Variants in ZNF541 observed in about 807,000 individuals in gnomAD.
The protein encoded by ZNF541 is zinc finger protein 541.
A neutral mutation model predicts 123.5 loss-of-function variants in ZNF541; 23 were observed. The ratio of observed to expected loss-of-function variants is 0.19; its 90% CI spans 0.13 to 0.26. The LOEUF is 0.26. Among genes scored for constraint, ZNF541 ranks in the 10% least tolerant of loss-of-function variants. The pLI, the probability that ZNF541 is intolerant of heterozygous loss-of-function variation, is 1.00. For missense variants in ZNF541, 1,612 were observed against 1,789.9 expected, an observed-to-expected ratio of 0.90 and a Z score of 1.79; for synonymous variants, 751 against 754.5, an observed-to-expected ratio of 1.00 and a Z score of 0.08.
At chr19:47,528,840 G>T in intron 14 of ZNF541, 110 bp downstream of exon 14, 1 of 761,816 alleles carries the variant, frequency 1.3e-6, no homozygotes. Flanking sequence ...TAAGAGTGCT[G>T]CCACAGGCAG....
intron 4 of ZNF541, among the ~76,000 whole-genome samples, chr19:47,548,452 AAAAAAAAAAG>A (rs1218920571): frequency 1.7e-3 from 243 of 139,614 alleles, no homozygotes; most frequent in African/African-American, 7.7e-3. Context: ...CAAAAAAAAA[AAAAAAAAAAG>A]AAAAAAAAAG....
chr19:47,554,384 T>A (rs530717185), intron 3 of ZNF541, among the ~76,000 whole-genome samples: 5 of 152,222 alleles, frequency 3.3e-5, no homozygotes, highest in Admixed American at 2.6e-4. Flanking sequence ...TGAGCCGAGA[T>A]TGTGCCACTG....
chr19:47,549,631 C>G, intron 3 of ZNF541, 146 bp from the exon 4 acceptor site: 2 of 1,323,992 alleles, frequency 1.5e-6, no homozygotes, highest in Non-Finnish European at 2.0e-6. Flanking sequence ...AAACAAGGTT[C>G]AGGAGCAGGT....
In ZNF541 at chr19:47,539,735, T is replaced by C. The variant is rs1969994112; in HGVS notation, c.2766A>G (p.Pro922=). 1.4e-6 allele frequency: 2 copies of C among 1,445,076 alleles called. No homozygotes were observed. The highest frequency in any genetic ancestry group is 3.0e-5 in the African/African-American group (2 of 66,384). 89.5% of individuals were successfully genotyped at this position (1,445,076 alleles called of 1,614,324 possible). Residue 922 remains proline (P), a synonymous_variant, in exon 8 of 17, where the codon CCA becomes CCG. Transcript: ENST00000391901. ...LVVPQSIPVV[P]VTRHIGSMAM... ...CCATGCTCCCTATGTGTCGGGTCAC[T>C]GGAACCACGGGGATCGATTGGGGGA...
At position 47,555,872 on chromosome 19, in the gene ZNF541, G is replaced by C; in HGVS notation, c.-16C>G. ...ACTGGTCCATGGCTCTCCACTGCCA[G>C]GTCTTGGCCAAAAGCTACTCTCCAG... On this transcript the variant is annotated 5_prime_UTR_variant, in exon 3 of 17. Transcript: ENST00000391901. 1 of 1,535,536 alleles carries C rather than the reference G, an allele frequency of 6.5e-7. No individual in the cohort carries two copies. Among genetic ancestry groups the C allele is most frequent in the Non-Finnish European group, 8.8e-7 (1 of 1,137,148 alleles).
At chr19:47,537,163 TATGTGATAGTTGC>T (rs1370163122) in intron 9 of ZNF541, among the ~76,000 whole-genome samples, 1 of 152,156 alleles carries the variant, frequency 6.6e-6, no homozygotes, top group African/African-American at 2.4e-5. Context: ...AAATTAAGAC[TATGTGATAGTTGC>T]ACGGCCTTGT....
At chr19:47,536,110 G>A (rs1033895093) in intron 9 of ZNF541, among the ~76,000 whole-genome samples, 6 of 152,202 alleles carry the variant, frequency 3.9e-5, no homozygotes, top group South Asian at 2.1e-4. Flanking sequence ...GGCACAGATC[G>A]CTCATGCTAT....
At chr19:47,542,103 G>C (rs1004822680) in intron 5 of ZNF541, among the ~76,000 whole-genome samples, 4 of 152,154 alleles carry the variant, frequency 2.6e-5, no homozygotes, top group African/African-American at 7.2e-5. Context: ...CCTGGAAAAC[G>C]TCATGCTGAG....
chr19:47,539,878 C>T lies in ZNF541; in HGVS notation c.2623G>A (p.Val875Met), dbSNP rs1165980313. 1.3e-6 allele frequency: 2 copies of T among 1,524,892 alleles called. No individual in the cohort carries two copies. The highest frequency in any genetic ancestry group is 2.8e-5 in the African/African-American group (2 of 71,016). The allele number at this position is 1,524,892 out of a possible 1,614,324, so 94.5% of individuals were successfully genotyped here. The change falls in exon 8 of 17, where the codon GTG (valine) becomes ATG (methionine). Residue 875 changes from valine to methionine, a missense_variant and splice_region_variant. Around this residue, in one of 5 missense-constraint regions of ZNF541, gnomAD observed 1,080 missense variants for 1,013.8 expected, o/e 1.07. Coordinates refer to ENST00000391901, the MANE Select transcript of ZNF541 (RefSeq NM_001277075.3). ...PSPRGKQEPQ[V>M]FGTEFCKPLR... ...GGCTTGCAAAACTCTGTGCCAAACA[C>T]CTAAACACAGAAGAGAAGAGATGGC...
chr19:47,538,342 C>CCAGGCTCCCCAG lies in ZNF541; in HGVS notation c.2882_2893dup (p.Ala961_Pro964dup). 6.5e-7 allele frequency: 1 copy of CCAGGCTCCCCAG among 1,542,608 alleles called. No individual in the cohort carries two copies. The highest frequency in any genetic ancestry group is 8.8e-7 in the Non-Finnish European group (1 of 1,141,758). ...GCGGCTCTGGTGGCATCCTGCAGGG[C>CCAGGCTCCCCAG]CAGGCTCCCCAGCCGTGGAGGGTGG... On this transcript the variant is annotated inframe_insertion, in exon 9 of 17. Coordinates refer to ENST00000391901, the MANE Select transcript of ZNF541 (RefSeq NM_001277075.3).
In ZNF541 at chr19:47,539,785, G is replaced by A; in HGVS notation, c.2716C>T (p.Pro906Ser). The change falls in exon 8 of 17, where the codon CCC (proline) becomes TCC (serine). Residue 906 changes from proline (P) to serine (S), a missense_variant. Pro to Ser is a moderately conservative substitution (Grantham distance 74). This residue lies in a region of ZNF541 where 1,080 missense variants were observed against 1,013.8 expected (regional missense o/e 1.07). Transcript: ENST00000391901. ...SPPGTKKPLD[P>S]TAAAPLVVPQ... ...ACCACCAAAGGGGCTGCAGCTGTGG[G>A]GTCCAAGGGCTTCTTGGTTCCTGGG... 2.0e-6 allele frequency: 3 copies of A among 1,479,566 alleles called. No homozygotes were observed. Among genetic ancestry groups the A allele is most frequent in the African/African-American group, 1.5e-5 (1 of 67,610 alleles). 91.7% of individuals were successfully genotyped at this position (1,479,566 alleles called of 1,614,324 possible). A position where few individuals can be genotyped will look rare whatever the true frequency, so the allele number is the denominator to read the frequency against.
chr19:47,539,993 C>T, intron 7 of ZNF541, 115 bp from the exon 8 acceptor site: 1 of 1,467,040 alleles, frequency 6.8e-7, no homozygotes, highest in Non-Finnish European at 9.0e-7. Flanking sequence ...GTGGCATGGA[C>T]CAAGCTGGAG....
At chr19:47,539,088 T>TG (rs1969962438) in intron 8 of ZNF541, among the ~76,000 whole-genome samples, 1 of 151,968 alleles carries the variant, frequency 6.6e-6, no homozygotes, top group Non-Finnish European at 1.5e-5. Flanking sequence ...CTCCCTCTGC[T>TG]CCCAGCTCTG....
chr19:47,533,918 C>T (rs1969698849), intron 9 of ZNF541, among the ~76,000 whole-genome samples: 1 of 152,202 alleles, frequency 6.6e-6, no homozygotes, highest in Non-Finnish European at 1.5e-5. Flanking sequence ...TGCTCCCTTA[C>T]CCAGCCAGCT....
rs1970261756 is a variant in ZNF541, at chr19:47,544,942, C to T, written c.1587G>A (p.Gly529=). 3.9e-6 allele frequency: 6 copies of T among 1,535,260 alleles called. No individual in the cohort carries two copies. Among genetic ancestry groups the T allele is most frequent in the Non-Finnish European group, 5.2e-6 (6 of 1,146,584 alleles). Residue 529 remains glycine (G), a synonymous_variant, in exon 5 of 17, where the codon GGG becomes GGA. Transcript: ENST00000391901. ...AGAGCGGCGAGGCATCCGCAGGGAG[C>T]CCGCCTGCCTTCTGGGCCTCCTGGA... ...PGLQEAQKAG[G]LPADASPLFR...
chr19:47,555,472 A>G, intron 3 of ZNF541, 78 bp downstream of exon 3: 1 of 1,409,816 alleles, frequency 7.1e-7, no homozygotes, highest in Admixed American at 2.7e-5. Context: ...TAACCAATCC[A>G]TGCAGAATCA....
rs111520713 is a variant in ZNF541, at chr19:47,529,352, A to G, written c.3481+225T>C. Among the ~76,000 whole-genome samples, 3 of 152,228 alleles carry G rather than the reference A, an allele frequency of 2.0e-5. No individual in the cohort carries two copies. In the East Asian group the frequency reaches 5.8e-4, roughly 29 times the overall value. ...CCCTGGCCATGATCATTCCCCTTCC[A>G]GCTGGGCAGAGTCCGTAAGGAAACC... On this transcript the variant is annotated intron_variant, in intron 13 of 16. Coordinates refer to ENST00000391901, the MANE Select transcript of ZNF541 (RefSeq NM_001277075.3).
In ZNF541 at chr19:47,545,579, G is replaced by C; in HGVS notation, c.950C>G (p.Ser317Cys). The change falls in exon 5 of 17, where the codon TCC becomes TGC. Residue 317 changes from serine (S) to cysteine (C), a missense_variant. By Grantham distance (112) the Ser-to-Cys change is moderately radical. Transcript: ENST00000391901. The surrounding 1 kb of genome is among the most constrained non-coding windows in gnomAD (Gnocchi z 7.5). ...CPCPASSGSSSCTPAGPHAAP... is the reference protein window; with the variant it reads ...CPCPASSGSSCCTPAGPHAAP... ...CGCGTGGGGGCCGGCTGGGGTGCAG[G>C]ACGAGGACCCCGATGAGGCGGGGCA... 6.5e-7 allele frequency: 1 copy of C among 1,547,812 alleles called. No individual in the cohort carries two copies. Among genetic ancestry groups the C allele is most frequent in the Non-Finnish European group, 8.7e-7 (1 of 1,144,618 alleles).
Position 47,545,385 on chromosome 19 carries a change from C to T in ZNF541, c.1144G>A (p.Glu382Lys), listed in dbSNP as rs1188465855. 3 of 1,521,332 alleles carry T rather than the reference C, an allele frequency of 2.0e-6. No homozygotes were observed. Among genetic ancestry groups the T allele is most frequent in the East Asian group, 2.5e-5 (1 of 40,566 alleles). 94.2% of individuals were successfully genotyped at this position (1,521,332 alleles called of 1,614,324 possible). The change falls in exon 5 of 17, where the codon GAG becomes AAG. Residue 382 changes from glutamate to lysine, a missense_variant. Around this residue, in one of 5 missense-constraint regions of ZNF541, gnomAD observed 1,080 missense variants for 1,013.8 expected, o/e 1.07. Coordinates refer to ENST00000391901, the MANE Select transcript of ZNF541 (RefSeq NM_001277075.3). The surrounding 1 kb of genome is among the most constrained non-coding windows in gnomAD (Gnocchi z 7.5). ...ACGGAGCCGCCTTCGGGCCAGCACT[C>T]CGCGGTGGACCGGGCCTGGAGCAGC... ...TALLQARSTAECWPEGGSVPA... is the reference protein window; with the variant it reads ...TALLQARSTAKCWPEGGSVPA...
Sources: allele counts gnomAD v4.1 joint callset (sites outside exome capture counted in the v4.1 genomes callset), GRCh38; gene constraint gnomAD v4.1.1; regional missense constraint gnomAD v4.1.1; non-coding constraint Gnocchi (gnomAD v3.1); transcripts MANE v1.5; gene names NCBI Gene and HGNC (gene_info 2026-07-23, HGNC 2026-07-21).